ROCK2: variants seen among roughly 807,000 people sequenced by gnomAD.
The protein encoded by ROCK2 is Rho associated coiled-coil containing protein kinase 2.
A neutral mutation model predicts 195.1 loss-of-function variants in ROCK2; 61 were observed. That is an observed-to-expected ratio of 0.31 (90% CI 0.25 to 0.39). The LOEUF is 0.39. Ranked by LOEUF, ROCK2 falls within the 10% of genes least tolerant of loss-of-function variation. The pLI, the probability that ROCK2 is intolerant of heterozygous loss-of-function variation, is 1.00. For missense variants in ROCK2, 1,109 were observed against 1,637.4 expected (o/e 0.68, Z 5.57); for synonymous variants, 504 against 545.5 (o/e 0.92, Z 1.06).
At chr2:11,342,682 A>C (rs1378204916) in intron 1 of ROCK2, among the ~76,000 whole-genome samples, 1 of 152,238 alleles carries the variant, frequency 6.6e-6, no homozygotes, top group African/African-American at 2.4e-5. Flanking sequence ...CCATGCAAGC[A>C]ATCTTACTCC....
intron 3 of ROCK2, among the ~76,000 whole-genome samples, chr2:11,284,712 T>C (rs568315209): frequency 1.3e-5 from 2 of 152,332 alleles, no homozygotes; most frequent in East Asian, 1.9e-4. Context: ...TGATCATTAA[T>C]GACTCTTGCC....
At position 11,286,610 on chromosome 2, in the gene ROCK2, G is replaced by T; in HGVS notation, c.253C>A (p.Leu85Ile). Residue 85 changes from leucine (L) to isoleucine (I), a missense_variant, in exon 3 of 33, where the codon CTA becomes ATA. By Grantham distance (5) the Leu-to-Ile change is conservative. Transcript: ENST00000315872. ...YEKIVKKIRGLQMKAEDYDVV... is the reference protein window; with the variant it reads ...YEKIVKKIRGIQMKAEDYDVV... ...TCATAGTCTTCTGCCTTCATCTGTA[G>T]ACCTCTGATTTTTTTCACAATTTTC... 1 of 1,608,516 alleles carries T rather than the reference G, an allele frequency of 6.2e-7. No individual in the cohort carries two copies. The highest frequency in any genetic ancestry group is 8.5e-7 in the Non-Finnish European group (1 of 1,176,402).
rs933002470 is a variant in ROCK2, at chr2:11,201,088, G to T, written c.2779C>A (p.Leu927Met). The change falls in exon 23 of 33, where the codon CTG becomes ATG. Residue 927 changes from leucine (L) to methionine (M), a missense_variant. Transcript: ENST00000315872. The surrounding 1 kb of genome is among the most constrained non-coding windows in gnomAD (Gnocchi z 4.6). ...TGTTCTTCAGCAATTGAACGAGCCAGTTGCTCAGAATCTGCTTTGGTCAAG... is the reference window on the plus strand; with the variant it reads ...TGTTCTTCAGCAATTGAACGAGCCATTTGCTCAGAATCTGCTTTGGTCAAG... ...ITLTKADSEQ[L>M]ARSIAEEQYS... 2 of 1,613,242 alleles carry T rather than the reference G, an allele frequency of 1.2e-6. No individual in the cohort carries two copies. The highest frequency in any genetic ancestry group is 2.7e-5 in the African/African-American group (2 of 74,876).
Position 11,215,408 on chromosome 2 carries a change from G to A in ROCK2, c.1602C>T (p.Asn534=). Residue 534 remains asparagine, a synonymous_variant, in exon 15 of 33, where the codon AAC becomes AAT. Coordinates refer to ENST00000315872, the MANE Select transcript of ROCK2 (RefSeq NM_004850.5). ...AATCTTCAAGTTGATCTTTTAAGCT[G>A]TTAACTATGATAAAAAGCATTTCAG... is the stretch of plus-strand genomic sequence containing the variant. ...DKKRNLENDV[N]SLKDQLEDLK... is the part of the protein sequence containing the mutation. The A allele has an allele frequency of 6.2e-7, 1 of 1,604,474 alleles. No individual in the cohort carries two copies. The highest frequency in any genetic ancestry group is 2.2e-5 in the East Asian group (1 of 44,726).
intron 3 of ROCK2, among the ~76,000 whole-genome samples, chr2:11,268,887 G>A (rs1666522432): frequency 2.0e-5 from 3 of 152,072 alleles, no homozygotes; most frequent in Admixed American, 2.0e-4. Flanking sequence ...TACTCCCACA[G>A]TATCTATTTT....
In ROCK2 at chr2:11,218,981, T is replaced by C; in HGVS notation, c.1305A>G (p.Gln435=). The C allele has an allele frequency of 2.7e-6, 4 of 1,467,886 alleles. No individual in the cohort carries two copies. The highest frequency in any genetic ancestry group is 2.3e-5 in the East Asian group (1 of 43,350). The allele number at this position is 1,467,886 out of a possible 1,614,324, so 90.9% of individuals were successfully genotyped here. ...GTATACGTACTTCATTTTTCCTTGA[T>C]TGTATGGAATCAGTTTCTCTACAAG... The part of the protein sequence containing the change: ...SPSCRETDSI[Q]SRKNEESQEI... The change falls in exon 10 of 33, where the codon CAA becomes CAG. Residue 435 remains glutamine, a synonymous_variant. Transcript: ENST00000315872.
At position 11,182,279 on chromosome 2, in the gene ROCK2, AGTCT is replaced by A. The variant is rs1223849896; in HGVS notation, c.*1154_*1157del. On this transcript the variant is annotated 3_prime_UTR_variant, in exon 33 of 33. Coordinates refer to ENST00000315872, the MANE Select transcript of ROCK2 (RefSeq NM_004850.5). Reference sequence around the variant, plus strand: ...ATTTAAATATTTAAAATGCATCTACAGTCTGTCTTAGTTTTCTTTATATTTGGGA... The same window carrying A: ...ATTTAAATATTTAAAATGCATCTACAGTCTTAGTTTTCTTTATATTTGGGA... 1.3e-5 allele frequency: 2 copies of A among 152,354 alleles called. No individual in the cohort carries two copies. The highest frequency in any genetic ancestry group is 2.9e-5 in the Non-Finnish European group (2 of 68,026). The allele number at this position is 152,354 out of a possible 1,614,324, so 9.4% of individuals were successfully genotyped here.
chr2:11,255,850 G>A (rs1558332324), intron 3 of ROCK2, among the ~76,000 whole-genome samples: 1 of 145,088 alleles, frequency 6.9e-6, no homozygotes. Context: ...AACCTGGGAG[G>A]CAGGGGTTGC....
intron 5 of ROCK2, among the ~76,000 whole-genome samples, chr2:11,230,034 T>G (rs1487570199): frequency 6.6e-6 from 1 of 152,156 alleles, no homozygotes; most frequent in Non-Finnish European, 1.5e-5. Flanking sequence ...TACAGACATA[T>G]TCAGAATTAA....
At chr2:11,273,567 C>G (rs12472868) in intron 3 of ROCK2, among the ~76,000 whole-genome samples, 58,072 of 151,950 alleles carry the variant, frequency 0.38, 13,161 homozygotes, top group Admixed American at 0.51. Flanking sequence ...CTTTCATTCT[C>G]TATTATCACT....
intron 13 of ROCK2, among the ~76,000 whole-genome samples, 184 bp from the exon 14 acceptor site, chr2:11,215,829 C>T (rs370578150): frequency 1.4e-4 from 22 of 151,998 alleles, no homozygotes; most frequent in Non-Finnish European, 3.1e-4. Context: ...TCATAAAGAC[C>T]GTAAATGTTT....
chr2:11,226,930 A>G (rs988493848), intron 6 of ROCK2, among the ~76,000 whole-genome samples: 1 of 151,598 alleles, frequency 6.6e-6, no homozygotes, highest in Admixed American at 6.6e-5. Context: ...AAAAAAAAAA[A>G]AAAAGAAGGA....
intron 1 of ROCK2, among the ~76,000 whole-genome samples, chr2:11,312,800 G>A (rs1668076482): frequency 6.6e-6 from 1 of 151,980 alleles, no homozygotes; most frequent in African/African-American, 2.4e-5. Flanking sequence ...AAAAAGAAAT[G>A]AATCATACAG....
intron 1 of ROCK2, chr2:11,308,136 T>C: frequency 6.2e-7 from 1 of 1,611,120 alleles, no homozygotes; most frequent in Non-Finnish European, 8.5e-7. Context: ...GTATCAGATA[T>C]TAGCAAGACA....
chr2:11,206,238 G>A (rs575649469), intron 20 of ROCK2, among the ~76,000 whole-genome samples: 7 of 152,230 alleles, frequency 4.6e-5, no homozygotes, highest in African/African-American at 1.7e-4. Flanking sequence ...GGGTGTCTTT[G>A]GTGGGGAGAG....
At chr2:11,308,196 G>C in intron 1 of ROCK2, 1 of 1,584,022 alleles carries the variant, frequency 6.3e-7, no homozygotes, top group Non-Finnish European at 8.7e-7. Context: ...ATTCACAGAA[G>C]AAAGAAAACC....
intron 11 of ROCK2, 85 bp from the exon 12 acceptor site, chr2:11,217,254 T>G: frequency 1.3e-6 from 1 of 767,038 alleles, no homozygotes; most frequent in South Asian, 1.4e-5. Flanking sequence ...TAAGCTTATT[T>G]TGTCTTTCCA....
rs1482764231 is a variant in ROCK2 at position 11,180,717 on chromosome 2, A to G, written c.*2720T>C. ...AGGAACAAGCAAATTTTAGTCTTAT[A>G]TTTATCTTGGAAGCTTCAGGGCCTC... is the stretch of plus-strand genomic sequence containing the variant. On this transcript the variant is annotated 3_prime_UTR_variant, in exon 33 of 33. Transcript: ENST00000315872. The G allele has an allele frequency of 6.6e-6, 1 of 152,174 alleles. No homozygotes were observed. The highest frequency in any genetic ancestry group is 2.4e-5 in the African/African-American group (1 of 41,436). 9.4% of individuals were successfully genotyped at this position (152,174 alleles called of 1,614,324 possible).
chr2:11,200,199 T>A (rs1006366716), intron 23 of ROCK2, among the ~76,000 whole-genome samples: 5 of 152,196 alleles, frequency 3.3e-5, no homozygotes, highest in African/African-American at 1.2e-4. Flanking sequence ...TAGATACAAA[T>A]CCCTTGTTTA....
Sources: gnomAD v4.1 joint callset for allele counts (sites outside exome capture counted in the v4.1 genomes callset) on GRCh38, gnomAD v4.1.1 for gene constraint, Gnocchi (gnomAD v3.1) non-coding constraint, MANE v1.5 for transcripts, NCBI Gene and HGNC (gene_info 2026-07-23, HGNC 2026-07-21) for gene names.